The following TSC22D1 variants were observed in gnomAD, a reference collection of about 807,000 sequenced individuals.
The protein encoded by TSC22D1 is TSC22 domain family protein 1.
In TSC22D1, 9 loss-of-function variants were observed where a neutral mutation model predicts 74.2. That is an observed-to-expected ratio of 0.12 (90% CI 0.07 to 0.21). The LOEUF is 0.21. Among genes scored for constraint, TSC22D1 ranks in the 10% least tolerant of loss-of-function variants. The probability of loss-of-function intolerance (pLI) is 1.00; values close to 1 mark genes in which losing one functional copy is unlikely to be tolerated. For missense variants in TSC22D1, 1,427 were observed against 1,304.7 expected (o/e 1.09, Z -1.44); for synonymous variants, 586 against 492.5 (o/e 1.19, Z -2.51).
chr13:44,530,379 C>T (rs1311184449), intron 1 of TSC22D1, among the ~76,000 whole-genome samples: 2 of 151,976 alleles, frequency 1.3e-5, no homozygotes, highest in Non-Finnish European at 2.9e-5. Flanking sequence ...TAAACACAAA[C>T]CTTACCCCTT....
At chr13:44,569,016 T>C (rs1288839927) in intron 1 of TSC22D1, among the ~76,000 whole-genome samples, 1 of 152,156 alleles carries the variant, frequency 6.6e-6, no homozygotes, top group Non-Finnish European at 1.5e-5. Flanking sequence ...ACAACAAAAT[T>C]AAATCTTCAT....
At position 44,561,938 on chromosome 13, in the gene TSC22D1, A is replaced by C. The variant is rs538478288; in HGVS notation, c.2912+11225T>G. ...AACTGCTGGCTCTCCTTAAGGAGAG[A>C]GAGCGAGCTATGCACATACTTATTA... On this transcript the variant is annotated intron_variant, in intron 1 of 2. Transcript: ENST00000458659. Among the ~76,000 whole-genome samples, 114 of 152,310 alleles carry C rather than the reference A, an allele frequency of 7.5e-4. 1 individual carries two copies. The South Asian group carries it at 8.3e-3, about 11-fold the overall frequency.
intron 1 of TSC22D1, among the ~76,000 whole-genome samples, chr13:44,528,235 C>A (rs1880647669): frequency 6.6e-6 from 1 of 152,070 alleles, no homozygotes; most frequent in Admixed American, 6.6e-5. Context: ...CAACAACAAA[C>A]AGAATACACA....
At chr13:44,539,232 T>G in intron 1 of TSC22D1, 1 of 985,280 alleles carries the variant, frequency 1.0e-6, no homozygotes, top group Non-Finnish European at 1.2e-6. Context: ...TATTAAAGAA[T>G]GGAGCCTAGA....
chr13:44,518,414 T>C (rs959222771), intron 1 of TSC22D1, among the ~76,000 whole-genome samples: 1 of 152,152 alleles, frequency 6.6e-6, no homozygotes, highest in African/African-American at 2.4e-5. Context: ...GAATGCAGTA[T>C]TACTTTCATC....
At chr13:44,526,676 C>CT (rs1200970098) in intron 1 of TSC22D1, among the ~76,000 whole-genome samples, 1 of 152,178 alleles carries the variant, frequency 6.6e-6, no homozygotes, top group African/African-American at 2.4e-5. Context: ...GAAGCTGAGG[C>CT]TTGCTGCTGC....
At chr13:44,446,674 T>C (rs1469286692) in intron 1 of TSC22D1, among the ~76,000 whole-genome samples, 1 of 151,678 alleles carries the variant, frequency 6.6e-6, no homozygotes, top group Non-Finnish European at 1.5e-5. Flanking sequence ...AGGCAAACTT[T>C]ACTATATGTA....
At chr13:44,501,965 A>G (rs1045094157) in intron 1 of TSC22D1, among the ~76,000 whole-genome samples, 2 of 152,182 alleles carry the variant, frequency 1.3e-5, no homozygotes, top group Admixed American at 1.3e-4. Flanking sequence ...TTGTCTTTAT[A>G]TATAGCAACA....
chr13:44,554,147 T>C (rs537631572), intron 1 of TSC22D1, among the ~76,000 whole-genome samples: 1 of 152,314 alleles, frequency 6.6e-6, no homozygotes, highest in African/African-American at 2.4e-5. Flanking sequence ...GCCAGGTGCA[T>C]TATATGCCTT....
intron 1 of TSC22D1, among the ~76,000 whole-genome samples, chr13:44,482,585 A>T (rs1163270768): frequency 3.9e-5 from 6 of 152,196 alleles, no homozygotes; most frequent in Non-Finnish European, 5.9e-5. Context: ...AAATAACCTC[A>T]AGTTACACTG....
chr13:44,553,375 T>C (rs1162383048), intron 1 of TSC22D1, among the ~76,000 whole-genome samples: 1 of 152,060 alleles, frequency 6.6e-6, no homozygotes, highest in Non-Finnish European at 1.5e-5. Flanking sequence ...GAATCAGTAT[T>C]AGAAAAAAAC....
chr13:44,437,150 C>T (rs1874765695), intron 1 of TSC22D1: 1 of 985,634 alleles, frequency 1.0e-6, no homozygotes, highest in Non-Finnish European at 1.2e-6. Flanking sequence ...CTGAAAAATA[C>T]TATGGGGGCC....
At chr13:44,501,313 C>G (rs1284149894) in intron 1 of TSC22D1, among the ~76,000 whole-genome samples, 1 of 152,168 alleles carries the variant, frequency 6.6e-6, no homozygotes, top group African/African-American at 2.4e-5. Context: ...TGTCACACAT[C>G]AGAGAGACCC....
At chr13:44,444,957 G>T (rs565601586) in intron 1 of TSC22D1, among the ~76,000 whole-genome samples, 2 of 152,042 alleles carry the variant, frequency 1.3e-5, no homozygotes, top group African/African-American at 4.8e-5. Context: ...AAGCTCAAAT[G>T]GTTTCACTGG....
At chr13:44,452,857 G>A (rs1876256803) in intron 1 of TSC22D1, 1 of 152,350 alleles carries the variant, frequency 6.6e-6, no homozygotes, top group South Asian at 2.1e-4. Flanking sequence ...CGAACAGAGT[G>A]CCATATCCTT....
intron 1 of TSC22D1, among the ~76,000 whole-genome samples, chr13:44,501,641 A>G (rs1005589890): frequency 1.3e-5 from 2 of 152,196 alleles, no homozygotes; most frequent in African/African-American, 2.4e-5. Flanking sequence ...CATGCAGAAT[A>G]AACTGCCAGG....
chr13:44,568,792 T>G (rs528876124), intron 1 of TSC22D1, among the ~76,000 whole-genome samples: 1 of 152,170 alleles, frequency 6.6e-6, no homozygotes, highest in South Asian at 2.1e-4. Flanking sequence ...GAGGGGCAAC[T>G]TGGAGAAAAC....
At chr13:44,523,987 G>A (rs754309986) in intron 1 of TSC22D1, among the ~76,000 whole-genome samples, 2 of 152,086 alleles carry the variant, frequency 1.3e-5, no homozygotes, top group Non-Finnish European at 2.9e-5. Context: ...AGAGAACAAT[G>A]AGAAAAAGCC....
intron 1 of TSC22D1, among the ~76,000 whole-genome samples, chr13:44,563,700 C>A (rs1271151158): frequency 6.6e-6 from 1 of 152,032 alleles, no homozygotes; most frequent in Non-Finnish European, 1.5e-5. Flanking sequence ...CTTTTCTGAC[C>A]TACCAAAGGT....
Sources: gnomAD v4.1 joint callset for allele counts (sites outside exome capture counted in the v4.1 genomes callset) on GRCh38, gnomAD v4.1.1 for gene constraint, MANE v1.5 for transcripts, NCBI Gene and HGNC (gene_info 2026-07-23, HGNC 2026-07-21) for gene names.